CTNNA3: variants seen among roughly 807,000 people sequenced by gnomAD.
CTNNA3 encodes catenin alpha 3.
In CTNNA3, 76 loss-of-function variants were observed where a neutral mutation model predicts 95.7. That is an observed-to-expected ratio of 0.79 (90% CI 0.66 to 0.96). CTNNA3 has a LOEUF of 0.96. CTNNA3 is among the 40% of genes least tolerant of loss of function. The pLI, the probability that CTNNA3 is intolerant of heterozygous loss-of-function variation, is 0.00. For missense variants in CTNNA3, 1,191 were observed against 1,089.8 expected (o/e 1.09, Z -1.31); for synonymous variants, 431 against 374.4 (o/e 1.15, Z -1.74).
chr10:66,359,311 CTTTT>C lies in CTNNA3; in HGVS notation c.1732+19837_1732+19840del, dbSNP rs2092635903. Among the ~76,000 whole-genome samples, 3 of 151,970 alleles carry C rather than the reference CTTTT, an allele frequency of 2.0e-5. No individual in the cohort carries two copies. The South Asian group carries it at 6.2e-4, about 31-fold the overall frequency. On this transcript the variant is annotated intron_variant, in intron 12 of 17. Coordinates refer to ENST00000433211, the MANE Select transcript of CTNNA3 (RefSeq NM_013266.4). The stretch of plus-strand genomic sequence containing the variant: ...TTCAGGGATTGAAGTCTACTGTTTT[CTTTT>C]TTATTATAGAAGGAGATGGGGGTGA...
chr10:67,371,927 G>A (rs901445143), intron 5 of CTNNA3, among the ~76,000 whole-genome samples: 9 of 152,180 alleles, frequency 5.9e-5, no homozygotes, highest in African/African-American at 1.2e-4. Flanking sequence ...CATTCTAACT[G>A]GTGTGAGATG....
chr10:66,601,288 T>G (rs1331849376), intron 10 of CTNNA3, among the ~76,000 whole-genome samples: 2 of 151,928 alleles, frequency 1.3e-5, no homozygotes, highest in East Asian at 1.9e-4. Context: ...GAAAAAAAAG[T>G]AGTTTATTTT....
intron 7 of CTNNA3, among the ~76,000 whole-genome samples, chr10:67,085,344 A>C (rs1857245583): frequency 6.6e-6 from 1 of 151,876 alleles, no homozygotes; most frequent in Non-Finnish European, 1.5e-5. Flanking sequence ...CTATGAAATA[A>C]AGTAAGAAAA....
chr10:66,208,562 T>G (rs1429265717), intron 13 of CTNNA3, among the ~76,000 whole-genome samples: 1 of 152,116 alleles, frequency 6.6e-6, no homozygotes, highest in Non-Finnish European at 1.5e-5. Flanking sequence ...AAAATAAACC[T>G]TTCCAAAATA....
At chr10:67,663,367 G>C (rs1173181795) in intron 1 of CTNNA3, among the ~76,000 whole-genome samples, 1 of 151,926 alleles carries the variant, frequency 6.6e-6, no homozygotes, top group Non-Finnish European at 1.5e-5. Flanking sequence ...AGCTAGCTGA[G>C]GTTTTATTTT....
intron 14 of CTNNA3, among the ~76,000 whole-genome samples, chr10:66,069,958 T>C (rs1330594534): frequency 6.6e-6 from 1 of 152,008 alleles, no homozygotes; most frequent in African/African-American, 2.4e-5. Flanking sequence ...TTTAACATAA[T>C]AAAGAAAAAA....
chr10:66,437,241 C>T (rs1201501172), intron 11 of CTNNA3, among the ~76,000 whole-genome samples: 2 of 152,090 alleles, frequency 1.3e-5, no homozygotes, highest in Non-Finnish European at 2.9e-5. Context: ...GCCTGCCTTG[C>T]TAGGTTGGGG....
chr10:67,102,625 A>G (rs1858405831), intron 7 of CTNNA3, among the ~76,000 whole-genome samples: 1 of 151,848 alleles, frequency 6.6e-6, no homozygotes, highest in African/African-American at 2.4e-5. Flanking sequence ...CTTCCTGAAA[A>G]GGTGAGTGAA....
intron 11 of CTNNA3, among the ~76,000 whole-genome samples, chr10:66,464,531 G>A (rs1428810713): frequency 6.6e-6 from 1 of 152,118 alleles, no homozygotes; most frequent in Non-Finnish European, 1.5e-5. Flanking sequence ...GTGAGGTAGA[G>A]ATGGGTGGAT....
At chr10:67,126,098 C>T (rs1255115108) in intron 7 of CTNNA3, among the ~76,000 whole-genome samples, 1 of 152,088 alleles carries the variant, frequency 6.6e-6, no homozygotes, top group African/African-American at 2.4e-5. Flanking sequence ...GCATAAAAGA[C>T]ATTGTGGAAA....
intron 1 of CTNNA3, among the ~76,000 whole-genome samples, chr10:67,702,968 C>T (rs1288243668): frequency 6.6e-6 from 1 of 152,168 alleles, no homozygotes; most frequent in Non-Finnish European, 1.5e-5. Flanking sequence ...CACAGAAATA[C>T]AAACTACCAT....
chr10:66,426,618 TC>T (rs1290783819), intron 11 of CTNNA3, among the ~76,000 whole-genome samples: 1 of 152,034 alleles, frequency 6.6e-6, no homozygotes, highest in Non-Finnish European at 1.5e-5. Flanking sequence ...CTTTTTTTTT[TC>T]CTATGCAAGC....
chr10:67,556,432 G>T (rs1841257294), intron 3 of CTNNA3, among the ~76,000 whole-genome samples: 1 of 152,066 alleles, frequency 6.6e-6, no homozygotes, highest in South Asian at 2.1e-4. Context: ...CAATTTCAGA[G>T]CCTGTTATTG....
chr10:66,181,371 A>T (rs1196834136), intron 13 of CTNNA3, among the ~76,000 whole-genome samples: 2 of 152,208 alleles, frequency 1.3e-5, no homozygotes, highest in African/African-American at 4.8e-5. Context: ...TTCAGAACTT[A>T]AACTCTAAAA....
At chr10:66,872,816 T>C (rs1052573856) in intron 7 of CTNNA3, among the ~76,000 whole-genome samples, 2 of 152,026 alleles carry the variant, frequency 1.3e-5, no homozygotes, top group African/African-American at 2.4e-5. Context: ...ATAGTCCCCA[T>C]AGGTAGTTTT....
At chr10:66,691,247 C>T (rs955345063) in intron 9 of CTNNA3, among the ~76,000 whole-genome samples, 4 of 152,184 alleles carry the variant, frequency 2.6e-5, no homozygotes, top group African/African-American at 9.7e-5. Context: ...AATCGGGTCA[C>T]TCCCACCCTA....
chr10:65,973,033 A>G (rs1334831009), intron 16 of CTNNA3, among the ~76,000 whole-genome samples: 1 of 152,192 alleles, frequency 6.6e-6, no homozygotes, highest in Non-Finnish European at 1.5e-5. Flanking sequence ...GGGACAGAAT[A>G]GAGAACACAG....
At chr10:67,511,422 T>G (rs1839623895) in intron 5 of CTNNA3, among the ~76,000 whole-genome samples, 1 of 152,192 alleles carries the variant, frequency 6.6e-6, no homozygotes, top group Non-Finnish European at 1.5e-5. Flanking sequence ...TGAATTTTGT[T>G]GAAGGCCTTT....
intron 5 of CTNNA3, among the ~76,000 whole-genome samples, chr10:67,233,225 A>ATT (rs1865303343): frequency 6.6e-6 from 1 of 152,048 alleles, no homozygotes; most frequent in African/African-American, 2.4e-5. Context: ...TCAGCACCAC[A>ATT]CCACACCTAT....
Sources: allele counts gnomAD v4.1 joint callset (sites outside exome capture counted in the v4.1 genomes callset), GRCh38; gene constraint gnomAD v4.1.1; transcripts MANE v1.5; gene names NCBI Gene and HGNC (gene_info 2026-07-23, HGNC 2026-07-21).